The following PTPRK variants were observed in gnomAD, a reference collection of about 807,000 sequenced individuals.
PTPRK encodes receptor-type tyrosine-protein phosphatase kappa.
Under a neutral mutation model 178.0 loss-of-function variants are expected in PTPRK, and 75 were observed. That is an observed-to-expected ratio of 0.42 (90% CI 0.35 to 0.51). The LOEUF (loss-of-function observed/expected upper bound fraction) is 0.51. Ranked by LOEUF, PTPRK falls within the 20% of genes least tolerant of loss-of-function variation. PTPRK has a pLI of 0.02. For synonymous variants in PTPRK, 637 were observed against 620.6 expected, an observed-to-expected ratio of 1.03 and a Z score of -0.39; for missense variants, 1,441 against 1,797.8, an observed-to-expected ratio of 0.80 and a Z score of 3.59.
chr6:128,083,903 C>T, intron 8 of PTPRK, 79 bp from the exon 9 acceptor site: 1 of 656,536 alleles, frequency 1.5e-6, no homozygotes, highest in Non-Finnish European at 2.4e-6. Flanking sequence ...GCTAGATAAA[C>T]AGGATTAAAA....
intron 2 of PTPRK, among the ~76,000 whole-genome samples, chr6:128,395,607 A>G (rs1840196869): frequency 6.6e-6 from 1 of 152,196 alleles, no homozygotes; most frequent in South Asian, 2.1e-4. Flanking sequence ...AGTTTAGTCT[A>G]AATATACCAC....
intron 3 of PTPRK, among the ~76,000 whole-genome samples, chr6:128,291,401 T>G (rs1823363863): frequency 6.6e-6 from 1 of 152,246 alleles, no homozygotes; most frequent in East Asian, 1.9e-4. Context: ...CCTAGAACTG[T>G]AAGATTATAA....
At position 128,322,975 on chromosome 6, in the gene PTPRK, T is replaced by G. The variant is rs569420849; in HGVS notation, c.224-665A>C. On this transcript the variant is annotated intron_variant, in intron 2 of 29. Transcript: ENST00000368226. ...ATCAGGACACAGCAGATTTCCCCAC[T>G]TGGAGTCTCACCCACTAAGGTGTCA... Among the ~76,000 whole-genome samples the G allele has an allele frequency of 3.9e-5, 6 of 152,066 alleles. No homozygotes were observed. The East Asian group carries it at 1.2e-3, about 29-fold the overall frequency.
chr6:128,025,826 GC>G (rs1326032602), intron 13 of PTPRK, among the ~76,000 whole-genome samples: 1 of 152,102 alleles, frequency 6.6e-6, no homozygotes, highest in Non-Finnish European at 1.5e-5. Context: ...ATCTTCCTCT[GC>G]TTTGCTCTTA....
chr6:128,502,760 C>G (rs1855744683), intron 1 of PTPRK, among the ~76,000 whole-genome samples: 1 of 152,118 alleles, frequency 6.6e-6, no homozygotes, highest in African/African-American at 2.4e-5. Context: ...AATTATTTTA[C>G]TATTAATTAT....
At chr6:128,484,778 T>G (rs1474176286) in intron 1 of PTPRK, among the ~76,000 whole-genome samples, 2 of 152,204 alleles carry the variant, frequency 1.3e-5, no homozygotes, top group African/African-American at 2.4e-5. Context: ...TTTCTGCTAA[T>G]AGTGTCCTTG....
chr6:128,385,794 C>A (rs1406918788), intron 2 of PTPRK, among the ~76,000 whole-genome samples: 1 of 152,172 alleles, frequency 6.6e-6, no homozygotes, highest in Non-Finnish European at 1.5e-5. Context: ...GTACATCTAA[C>A]TGTTATGTCT....
In PTPRK at chr6:128,204,698, C is replaced by G. The variant is rs189325850; in HGVS notation, c.868+14224G>C. Among the ~76,000 whole-genome samples the G allele has an allele frequency of 8.7e-5, 13 of 149,984 alleles. No homozygotes were observed. The East Asian group carries it at 2.3e-3, about 27-fold the overall frequency. On this transcript the variant is annotated intron_variant, in intron 6 of 29. Transcript: ENST00000368226. ...AACATCACTGATCATTAGAGTAATG[C>G]AAATCAAAACCACAAAGAGATACCA...
chr6:128,062,294 C>T (rs1410719061), intron 13 of PTPRK: 1 of 166,654 alleles, frequency 6.0e-6, no homozygotes, highest in Non-Finnish European at 1.5e-5. Context: ...TCACTGCAGC[C>T]TCAAATTCCT....
At chr6:127,985,967 C>A in intron 21 of PTPRK, 92 bp from the exon 22 acceptor site, 4 of 1,213,772 alleles carry the variant, frequency 3.3e-6, no homozygotes, top group Admixed American at 4.8e-5. Flanking sequence ...ACCCAACTGA[C>A]AATGATAACA....
chr6:128,179,645 C>T (rs1309567531), intron 7 of PTPRK, among the ~76,000 whole-genome samples: 1 of 151,898 alleles, frequency 6.6e-6, no homozygotes, highest in Non-Finnish European at 1.5e-5. Context: ...CATTGTGAAA[C>T]CGAACCAACT....
rs1353670199 is a variant in PTPRK, at chr6:128,108,067, AAAAC to A, written c.1163-18079_1163-18076del. Among the ~76,000 whole-genome samples, 210 of 126,232 alleles carry A rather than the reference AAAAC, an allele frequency of 1.7e-3. 3 individuals are homozygous for A. The East Asian group carries it at 0.033, about 20-fold the overall frequency. 82.8% of individuals were successfully genotyped at this position (126,232 alleles called of 152,430 possible). A position where few individuals can be genotyped will look rare whatever the true frequency, so the allele number is the denominator to read the frequency against. Reference sequence around the variant, plus strand: ...AAAACAAACCAAATCCCTAAATAGCAAAACACACACACACACACACACACACACA... The same window carrying A: ...AAAACAAACCAAATCCCTAAATAGCAACACACACACACACACACACACACA... On this transcript the variant is annotated intron_variant, in intron 7 of 29. Transcript: ENST00000368226.
intron 3 of PTPRK, among the ~76,000 whole-genome samples, chr6:128,308,011 GA>G: frequency 6.6e-6 from 1 of 151,904 alleles, no homozygotes; most frequent in African/African-American, 2.4e-5. Context: ...TAGAAAACCA[GA>G]AAACAACCCA....
At chr6:128,466,044 C>T (rs1849805768) in intron 1 of PTPRK, among the ~76,000 whole-genome samples, 1 of 152,150 alleles carries the variant, frequency 6.6e-6, no homozygotes, top group African/African-American at 2.4e-5. Flanking sequence ...AATTTGGGAT[C>T]CTGTGTCACT....
intron 7 of PTPRK, among the ~76,000 whole-genome samples, chr6:128,105,813 C>G (rs1326393420): frequency 2.0e-5 from 3 of 152,178 alleles, no homozygotes; most frequent in Non-Finnish European, 4.4e-5. Context: ...GTTTTTACAG[C>G]CTGCGTCATT....
chr6:128,066,966 C>A (rs535898366), intron 12 of PTPRK, among the ~76,000 whole-genome samples: 2 of 152,168 alleles, frequency 1.3e-5, no homozygotes, highest in African/African-American at 4.8e-5. Context: ...GGCTCAGCAG[C>A]CAGTCATCGC....
intron 1 of PTPRK, among the ~76,000 whole-genome samples, chr6:128,502,952 G>T (rs1008379274): frequency 6.6e-6 from 1 of 152,132 alleles, no homozygotes; most frequent in African/African-American, 2.4e-5. Context: ...CTTTGGCCAG[G>T]CATGGTGGCT....
At chr6:128,364,716 T>C (rs1442796547) in intron 2 of PTPRK, among the ~76,000 whole-genome samples, 1 of 152,090 alleles carries the variant, frequency 6.6e-6, no homozygotes, top group Non-Finnish European at 1.5e-5. Flanking sequence ...ATCTCACCTA[T>C]GATTTCACAT....
chr6:128,300,765 A>T (rs187858610), intron 3 of PTPRK, among the ~76,000 whole-genome samples: 30 of 152,170 alleles, frequency 2.0e-4, no homozygotes, highest in Admixed American at 2.0e-4. Flanking sequence ...ATGCTAAATG[A>T]CAAGTTAATG....
Sources: gnomAD v4.1 joint callset for allele counts (sites outside exome capture counted in the v4.1 genomes callset) on GRCh38, gnomAD v4.1.1 for gene constraint, MANE v1.5 for transcripts, NCBI Gene and HGNC (gene_info 2026-07-23, HGNC 2026-07-21) for gene names.